The following DNAH2 variants were observed in gnomAD, a reference collection of about 807,000 sequenced individuals.
DNAH2 encodes axonemal beta dynein heavy chain 2.
Under a neutral mutation model 523.5 loss-of-function variants are expected in DNAH2, and 323 were observed. The ratio of observed to expected loss-of-function variants is 0.62; its 90% CI spans 0.56 to 0.68. The LOEUF (loss-of-function observed/expected upper bound fraction) is 0.68, where lower values mean the gene tolerates loss of function less well. Among genes scored for constraint, DNAH2 ranks in the 30% least tolerant of loss-of-function variants. DNAH2 has a pLI of 0.00. For synonymous variants in DNAH2, 2,093 were observed against 2,177.4 expected, an observed-to-expected ratio of 0.96 and a Z score of 1.08; for missense variants, 4,907 against 5,701.5, an observed-to-expected ratio of 0.86 and a Z score of 4.49.
rs757071664 is a variant in DNAH2, at chr17:7,807,544, G to C, written c.9687G>C (p.Glu3229Asp). 6.2e-7 allele frequency: 1 copy of C among 1,613,074 alleles called. No homozygotes were observed. Among genetic ancestry groups the C allele is most frequent in the African/African-American group, 1.3e-5 (1 of 75,066 alleles). Residue 3229 changes from glutamate (E) to aspartate (D), a missense_variant, in exon 63 of 86, where the codon GAG (glutamate) becomes GAC (aspartate). Glu to Asp is a conservative substitution (Grantham distance 45, BLOSUM62 2). This residue lies in a region of DNAH2 where 1,851 missense variants were observed against 2,139.4 expected (regional missense o/e 0.87). Transcript: ENST00000572933. The surrounding 1 kb of genome is among the most constrained non-coding windows in gnomAD (Gnocchi z 5.6). ...ACGCTGCCTTGGCTCAGCTTCGGGA[G>C]AAGCAAGCCGCGCTCGCTGAGGCCC... is the stretch of plus-strand genomic sequence containing the variant. ...RMNAALAQLR[E>D]KQAALAEAQE...
Position 7,759,848 on chromosome 17 carries a change from C to A in DNAH2, c.2695C>A (p.His899Asn). Residue 899 changes from histidine to asparagine, a missense_variant, in exon 17 of 86, where the codon CAC (histidine) becomes AAC (asparagine). Transcript: ENST00000572933. The stretch of plus-strand genomic sequence containing the variant: ...AGGTGTGGTCAATGACATTGGCAAC[C>A]ACCTCTTTTCCACCATCTCTGTCTT... The part of the protein sequence containing the change: ...LAGVVNDIGN[H>N]LFSTISVFCH... The A allele has an allele frequency of 6.2e-7, 1 of 1,614,190 alleles. No individual in the cohort carries two copies. The highest frequency in any genetic ancestry group is 8.5e-7 in the Non-Finnish European group (1 of 1,180,030).
At chr17:7,782,699 G>A (rs1304532645) in intron 39 of DNAH2, among the ~76,000 whole-genome samples, 1 of 152,058 alleles carries the variant, frequency 6.6e-6, no homozygotes, top group African/African-American at 2.4e-5. Flanking sequence ...AGGTGCGGTG[G>A]TTCACGCCTG....
At chr17:7,815,735 C>G (rs537112952) in intron 63 of DNAH2, among the ~76,000 whole-genome samples, 2 of 151,810 alleles carry the variant, frequency 1.3e-5, no homozygotes, top group African/African-American at 4.8e-5. Context: ...TATACGGGAT[C>G]ACACACACAT....
chr17:7,799,386 C>A, intron 56 of DNAH2, 144 bp downstream of exon 56: 2 of 1,226,040 alleles, frequency 1.6e-6, no homozygotes, highest in Non-Finnish European at 2.2e-6. Context: ...TTAGGCTGTG[C>A]CTGATTTCAG....
At chr17:7,719,493 C>T (rs2074530412) in intron 1 of DNAH2, among the ~76,000 whole-genome samples, 1 of 152,098 alleles carries the variant, frequency 6.6e-6, no homozygotes, top group South Asian at 2.1e-4. Context: ...ATTTTTAGCC[C>T]AGTGCCCCGA....
chr17:7,792,821 A>C lies in DNAH2; in HGVS notation c.7310A>C (p.Gln2437Pro). The change falls in exon 47 of 86, where the codon CAG becomes CCG. Residue 2437 changes from glutamine to proline, a missense_variant. Physicochemically the swap from Gln to Pro is moderately conservative, Grantham distance 76. This residue lies in a region of DNAH2 where 2,806 missense variants were observed against 3,190.8 expected (regional missense o/e 0.88). Coordinates refer to ENST00000572933, the MANE Select transcript of DNAH2 (RefSeq NM_020877.5). Reference sequence around the variant, plus strand: ...GTTCTGCAGTCCCTGCCCTCCAGCCAGTGGTCGGTGCTCGTTGTCAACATG... The same window carrying C: ...GTTCTGCAGTCCCTGCCCTCCAGCCCGTGGTCGGTGCTCGTTGTCAACATG... ...QSVLQSLPSSQWSVLVVNMSA... is the reference protein window; with the variant it reads ...QSVLQSLPSSPWSVLVVNMSA... 6.2e-7 allele frequency: 1 copy of C among 1,614,172 alleles called. No individual in the cohort carries two copies. Among genetic ancestry groups the C allele is most frequent in the Non-Finnish European group, 8.5e-7 (1 of 1,180,012 alleles).
chr17:7,780,652 C>T lies in DNAH2; in HGVS notation c.5873C>T (p.Thr1958Ile), dbSNP rs1159052813. The T allele has an allele frequency of 4.3e-6, 7 of 1,614,054 alleles. No homozygotes were observed. The highest frequency in any genetic ancestry group is 4.0e-5 in the African/African-American group (3 of 74,930). ...NCKILAKKVY[T>I]LYSLAVQQLS... Reference sequence around the variant, plus strand: ...CAGATTCTGGCCAAGAAGGTGTACACACTCTACTCACTGGCTGTGCAGCAG... The same window carrying T: ...CAGATTCTGGCCAAGAAGGTGTACATACTCTACTCACTGGCTGTGCAGCAG... Residue 1958 changes from threonine (T) to isoleucine (I), a missense_variant, in exon 38 of 86, where the codon ACA becomes ATA. Around this residue, in one of 3 missense-constraint regions of DNAH2, gnomAD observed 2,806 missense variants for 3,190.8 expected, o/e 0.88. Coordinates refer to ENST00000572933, the MANE Select transcript of DNAH2 (RefSeq NM_020877.5). This position sits in a 1 kb window ranked among gnomAD's most constrained non-coding sequence, Gnocchi z 4.4.
At chr17:7,816,232 C>T (rs1256385869) in intron 63 of DNAH2, among the ~76,000 whole-genome samples, 2 of 152,182 alleles carry the variant, frequency 1.3e-5, no homozygotes, top group Non-Finnish European at 2.9e-5. Context: ...GCTGTCTGGC[C>T]TTCACTTGCC....
chr17:7,821,303 C>T lies in DNAH2; in HGVS notation c.11076C>T (p.Ala3692=). The change falls in exon 73 of 86, where the codon GCC becomes GCT. Residue 3692 remains alanine (A), a synonymous_variant. Transcript: ENST00000572933. The surrounding 1 kb of genome is among the most constrained non-coding windows in gnomAD (Gnocchi z 5.0). ...TACTATTCAGTTTTCATATGTGTGC[C>T]AAAATCTTGGAGACTTCTGGCAAGC... ...HKLLFSFHMC[A]KILETSGKLN... 6.2e-7 allele frequency: 1 copy of T among 1,613,896 alleles called. No individual in the cohort carries two copies. Among genetic ancestry groups the T allele is most frequent in the Non-Finnish European group, 8.5e-7 (1 of 1,179,918 alleles).
chr17:7,734,490 C>G lies in DNAH2; in HGVS notation c.760C>G (p.Arg254Gly). ...TGCAGCCTCCATGATCCACTGGACC[C>G]GGCAGATAAAGGAGATGCTCAGTGC... ...RLETSMIHWT[R>G]QIKEMLSAQE... Residue 254 changes from arginine to glycine, a missense_variant, in exon 7 of 86, where the codon CGG becomes GGG. Arg to Gly is a moderately radical substitution (Grantham distance 125). Transcript: ENST00000572933. The G allele has an allele frequency of 6.2e-7, 1 of 1,613,718 alleles. No individual in the cohort carries two copies. Among genetic ancestry groups the G allele is most frequent in the East Asian group, 2.2e-5 (1 of 44,870 alleles).
intron 44 of DNAH2, among the ~76,000 whole-genome samples, chr17:7,790,274 A>G (rs1244792891): frequency 6.6e-6 from 1 of 152,230 alleles, no homozygotes; most frequent in Non-Finnish European, 1.5e-5. Flanking sequence ...CTGTTGCCCA[A>G]GCTGAGTGCT....
Position 7,780,434 on chromosome 17 carries a change from G to A in DNAH2, c.5850+150G>A. ...AGGATGTGTGGGGAGAAAAATTTAG[G>A]GGAGGGAGGTGTCTCCTCCGTGATA... is the stretch of plus-strand genomic sequence containing the variant. On this transcript the variant is annotated intron_variant, in intron 37 of 85. Transcript: ENST00000572933. The surrounding 1 kb of genome is among the most constrained non-coding windows in gnomAD (Gnocchi z 4.4). The A allele has an allele frequency of 7.0e-7, 1 of 1,422,494 alleles. No homozygotes were observed. Among genetic ancestry groups the A allele is most frequent in the Non-Finnish European group, 9.7e-7 (1 of 1,031,514 alleles). The allele number at this position is 1,422,494 out of a possible 1,614,324, so 88.1% of individuals were successfully genotyped here.
intron 44 of DNAH2, among the ~76,000 whole-genome samples, chr17:7,791,120 C>T (rs1409491263): frequency 6.6e-6 from 1 of 151,798 alleles, no homozygotes; most frequent in Non-Finnish European, 1.5e-5. Context: ...GTTGCCCAGG[C>T]TGGAGCGCAG....
intron 30 of DNAH2, among the ~76,000 whole-genome samples, chr17:7,775,546 G>A (rs1161115582): frequency 8.5e-5 from 13 of 152,076 alleles, no homozygotes; most frequent in African/African-American, 1.4e-4. Flanking sequence ...TTAGGTGGGC[G>A]CGGTGGCGCA....
rs1053591107 is a variant in DNAH2, at chr17:7,817,932, C to G, written c.10237-14C>G. On this transcript the variant is annotated splice_polypyrimidine_tract_variant and intron_variant, in intron 67 of 85. Transcript: ENST00000572933. ...CTCCCGTAGTGTTCCTTCACCTTCC[C>G]CCTTGCTCTCTAGGGCCTGAAGATC... 1 of 1,614,120 alleles carries G rather than the reference C, an allele frequency of 6.2e-7. No homozygotes were observed. Among genetic ancestry groups the G allele is most frequent in the Non-Finnish European group, 8.5e-7 (1 of 1,180,014 alleles).
rs778202257 is a variant in DNAH2 at position 7,819,415 on chromosome 17, G to A, written c.11015+7G>A. The A allele has an allele frequency of 1.2e-6, 2 of 1,614,136 alleles. No homozygotes were observed. The highest frequency in any genetic ancestry group is 1.7e-5 in the Admixed American group (1 of 60,032). ...ACACCTACGCTGTCTACAGGTCTGA[G>A]GGTGCCCCCAACATGCCCCAGCCCG... is the stretch of plus-strand genomic sequence containing the variant. On this transcript the variant is annotated splice_region_variant and intron_variant, in intron 72 of 85. Transcript: ENST00000572933.
intron 31 of DNAH2, 49 bp downstream of exon 31, chr17:7,776,198 G>A (rs533413292): frequency 1.3e-6 from 2 of 1,595,142 alleles, no homozygotes; most frequent in Non-Finnish European, 8.5e-7. Flanking sequence ...GGGCACGGTG[G>A]CTCACGCCTG....
At position 7,830,332 on chromosome 17, in the gene DNAH2, A is replaced by G; in HGVS notation, c.11886A>G (p.Gln3962=). 1 of 1,614,198 alleles carries G rather than the reference A, an allele frequency of 6.2e-7. No individual in the cohort carries two copies. Among genetic ancestry groups the G allele is most frequent in the East Asian group, 2.2e-5 (1 of 44,876 alleles). Residue 3962 remains glutamine, a synonymous_variant, in exon 78 of 86, where the codon CAA becomes CAG. Transcript: ENST00000572933. The part of the protein sequence containing the change: ...GLKANMTRLY[Q]LMSEPQFSRC... ...AGGCCAACATGACACGTCTTTACCA[A>G]CTGATGTCAGAACCACAGTTTTCCC...
chr17:7,824,173 G>A lies in DNAH2; in HGVS notation c.11531G>A (p.Gly3844Asp). The part of the protein sequence containing the change: ...RSPLVFILSP[G>D]VDPTSALLQL... ...CCACTCGTGTTCATCCTGTCCCCTG[G>A]TGTGGACCCCACCAGTGCCCTGCTG... The change falls in exon 76 of 86, where the codon GGT becomes GAT. Residue 3844 changes from glycine (G) to aspartate (D), a missense_variant. Gly to Asp is a moderately conservative substitution (Grantham distance 94, BLOSUM62 -1). Coordinates refer to ENST00000572933, the MANE Select transcript of DNAH2 (RefSeq NM_020877.5). The A allele has an allele frequency of 6.2e-7, 1 of 1,600,660 alleles. No homozygotes were observed. Among genetic ancestry groups the A allele is most frequent in the Non-Finnish European group, 8.5e-7 (1 of 1,175,650 alleles).
Sources: gnomAD v4.1 joint callset for allele counts (sites outside exome capture counted in the v4.1 genomes callset) on GRCh38, gnomAD v4.1.1 for gene constraint, gnomAD v4.1.1 regional missense constraint, Gnocchi (gnomAD v3.1) non-coding constraint, MANE v1.5 for transcripts, NCBI Gene and HGNC (gene_info 2026-07-23, HGNC 2026-07-21) for gene names.